The following HERC1 variants were observed in gnomAD, a reference collection of about 807,000 sequenced individuals.
HERC1 encodes HECT and RLD domain containing E3 ubiquitin protein ligase family member 1, also known as probable E3 ubiquitin-protein ligase HERC1.
Under a neutral mutation model 554.3 loss-of-function variants are expected in HERC1, and 160 were observed. The ratio of observed to expected loss-of-function variants is 0.29; its 90% CI spans 0.25 to 0.33. HERC1 has a LOEUF of 0.33. Ranked by LOEUF, HERC1 falls within the 10% of genes least tolerant of loss-of-function variation. HERC1 has a pLI of 1.00. For synonymous variants in HERC1, 2,175 were observed against 2,131.7 expected (o/e 1.02, Z -0.56); for missense variants, 4,919 against 5,918.5 (o/e 0.83, Z 5.54).
chr15:63,660,354 CA>C (rs1180912771), intron 46 of HERC1, among the ~76,000 whole-genome samples: 1 of 139,610 alleles, frequency 7.2e-6, no homozygotes, highest in African/African-American at 2.7e-5. Context: ...TAAATAAATA[CA>C]TACATACATA....
chr15:63,767,089 C>G (rs1321802168), intron 2 of HERC1, among the ~76,000 whole-genome samples: 2 of 151,914 alleles, frequency 1.3e-5, no homozygotes, highest in Non-Finnish European at 2.9e-5. Context: ...GCAACCTCCA[C>G]CTTCCGGGTT....
At position 63,688,896 on chromosome 15, in the gene HERC1, G is replaced by C. The variant is rs556671231; in HGVS notation, c.6048+693C>G. On this transcript the variant is annotated intron_variant, in intron 33 of 77. Transcript: ENST00000443617. ...GACAAAAAAAGGGGCTGGGGGAAGG[G>C]TTTGAGGGGGAGACACCCAGGCTAG... Among the ~76,000 whole-genome samples the C allele has an allele frequency of 1.3e-3, 191 of 152,276 alleles. 1 individual carries two copies. The highest frequency in any genetic ancestry group is 2.4e-3 in the Admixed American group (37 of 15,298).
chr15:63,806,664 C>T (rs977663126), intron 1 of HERC1, among the ~76,000 whole-genome samples: 2 of 152,198 alleles, frequency 1.3e-5, no homozygotes, highest in Non-Finnish European at 2.9e-5. Context: ...TCTAACAAGT[C>T]TACGGAGAAA....
chr15:63,678,139 C>G lies in HERC1; in HGVS notation c.6776G>C (p.Arg2259Pro). The change falls in exon 37 of 78, where the codon CGC (arginine) becomes CCC (proline). Residue 2259 changes from arginine to proline, a missense_variant. This residue lies in a region of HERC1 where 1,963 missense variants were observed against 2,228.6 expected (regional missense o/e 0.88). Transcript: ENST00000443617. ...KESGQKLKKS[R>P]SVQSREENEM... ...ATTTTCCTCTCGGCTCTGAACCGAGCGGCTTTTCTTTAGCTTCTGACCTGA... is the reference window on the plus strand; with the variant it reads ...ATTTTCCTCTCGGCTCTGAACCGAGGGGCTTTTCTTTAGCTTCTGACCTGA... The G allele has an allele frequency of 6.2e-7, 1 of 1,613,948 alleles. No homozygotes were observed. Among genetic ancestry groups the G allele is most frequent in the Non-Finnish European group, 8.5e-7 (1 of 1,179,864 alleles).
At chr15:63,760,142 A>T (rs2075559716) in intron 3 of HERC1, among the ~76,000 whole-genome samples, 1 of 152,160 alleles carries the variant, frequency 6.6e-6, no homozygotes, top group South Asian at 2.1e-4. Context: ...GGGACAACAG[A>T]AAGGAAAGAT....
chr15:63,700,758 A>G (rs2153075434), intron 25 of HERC1, among the ~76,000 whole-genome samples: 1 of 150,678 alleles, frequency 6.6e-6, no homozygotes, highest in South Asian at 2.1e-4. Flanking sequence ...GCTGAACATG[A>G]AAAATAACAA....
At chr15:63,750,830 G>A (rs1432345887) in intron 8 of HERC1, among the ~76,000 whole-genome samples, 1 of 152,186 alleles carries the variant, frequency 6.6e-6, no homozygotes, top group African/African-American at 2.4e-5. Flanking sequence ...CTACTCGGGA[G>A]CTGGGATGGG....
chr15:63,644,945 A>C, intron 57 of HERC1, 47 bp downstream of exon 57: 1 of 1,385,896 alleles, frequency 7.2e-7, no homozygotes, highest in African/African-American at 1.4e-5. Context: ...CTGATGTCAT[A>C]TACTTTCCAT....
At chr15:63,674,075 T>C (rs1011326818) in intron 38 of HERC1, among the ~76,000 whole-genome samples, 5 of 152,314 alleles carry the variant, frequency 3.3e-5, no homozygotes, top group African/African-American at 9.6e-5. Flanking sequence ...TTGGTATAAG[T>C]TAAATTTTGT....
chr15:63,818,739 C>T (rs984294764), intron 1 of HERC1, among the ~76,000 whole-genome samples: 4 of 152,152 alleles, frequency 2.6e-5, no homozygotes, highest in Admixed American at 6.5e-5. Context: ...ATGGGACATA[C>T]TAAACTTTTA....
At position 63,666,041 on chromosome 15, in the gene HERC1, G is replaced by A; in HGVS notation, c.8433C>T (p.Asp2811=). Residue 2811 remains aspartate, a synonymous_variant, in exon 42 of 78, where the codon GAC becomes GAT. Transcript: ENST00000443617. ...CTAGAACGGCTGCTCCAGGCCTAGA[G>A]TCTGCTGTGCTGCCCGACTGGGGCT... is the stretch of plus-strand genomic sequence containing the variant. ...EEEPQSGSTA[D]SRPGAAVLGS... 6.2e-7 allele frequency: 1 copy of A among 1,614,014 alleles called. No homozygotes were observed. Among genetic ancestry groups the A allele is most frequent in the Non-Finnish European group, 8.5e-7 (1 of 1,179,888 alleles).
rs375372024 is a variant in HERC1, at chr15:63,824,844, G to GAA, written c.-27+8981_-27+8982dup. 4.8e-3 allele frequency among the ~76,000 whole-genome samples: 613 copies of GAA among 126,490 alleles called. 4 individuals carry two copies. The highest frequency in any genetic ancestry group is 0.017 in the African/African-American group (567 of 34,148). The allele number at this position is 126,490 out of a possible 152,430, so 83.0% of individuals were successfully genotyped here. ...CTTAAGTGACACAAGTCAGACGTAG[G>GAA]AAAAAAAAAAAACACTAAATGATCT... On this transcript the variant is annotated intron_variant, in intron 1 of 77. Transcript: ENST00000443617.
In HERC1 at chr15:63,825,768, AT is replaced by A. The variant is rs1302989633; in HGVS notation, c.-27+8058del. Among the ~76,000 whole-genome samples the A allele has an allele frequency of 2.5e-3, 368 of 148,842 alleles. 2 individuals carry two copies. The highest frequency in any genetic ancestry group is 4.6e-3 in the African/African-American group (186 of 40,714). ...ACCACGAAAAAAAAGAAAAATAATA[AT>A]TTTTTTTTTTTTGAGATGGAGTCTC... On this transcript the variant is annotated intron_variant, in intron 1 of 77. Coordinates refer to ENST00000443617, the MANE Select transcript of HERC1 (RefSeq NM_003922.4).
chr15:63,674,757 G>C lies in HERC1; in HGVS notation c.7431C>G (p.Ser2477=), dbSNP rs1269637843. The stretch of plus-strand genomic sequence containing the variant: ...TTTTCCCTTCTGTTATTTGATGTTG[G>C]GATTCCACACTTGGCAGTGTTGGAT... ...SLDPTLPSVE[S]QHQITEGKRK... The change falls in exon 38 of 78, where the codon TCC becomes TCG. Residue 2477 remains serine (S), a synonymous_variant. Coordinates refer to ENST00000443617, the MANE Select transcript of HERC1 (RefSeq NM_003922.4). 6.2e-7 allele frequency: 1 copy of C among 1,613,720 alleles called. No homozygotes were observed. Among genetic ancestry groups the C allele is most frequent in the African/African-American group, 1.3e-5 (1 of 74,894 alleles).
intron 27 of HERC1, 135 bp from the exon 28 acceptor site, chr15:63,695,029 A>G: frequency 1.5e-6 from 1 of 673,814 alleles, no homozygotes; most frequent in Non-Finnish European, 2.2e-6. Context: ...TATTTCATAT[A>G]TAAAGTATAT....
In HERC1 at chr15:63,664,512, GTCT is replaced by G. The variant is rs774596110; in HGVS notation, c.8635_8637del (p.Arg2879del). 4 of 1,613,666 alleles carry G rather than the reference GTCT, an allele frequency of 2.5e-6. No individual in the cohort carries two copies. The highest frequency in any genetic ancestry group is 3.4e-6 in the Non-Finnish European group (4 of 1,179,672). On this transcript the variant is annotated inframe_deletion, in exon 43 of 78. Transcript: ENST00000443617. ...GTGCGAGCAGCTAAGTCAAACTTGT[GTCT>G]TCTTGTTACCGCTGAGCGACCTCTA...
chr15:63,783,438 C>T (rs2076345776), intron 1 of HERC1, among the ~76,000 whole-genome samples: 2 of 152,064 alleles, frequency 1.3e-5, no homozygotes. Context: ...AATTAAGGTA[C>T]ATACATTGCT....
rs569348896 is a variant in HERC1 at position 63,672,755 on chromosome 15, G to A, written c.7847-61C>T. On this transcript the variant is annotated intron_variant, in intron 38 of 77. Coordinates refer to ENST00000443617, the MANE Select transcript of HERC1 (RefSeq NM_003922.4). ...GATTTGTTTTTTCAAAAATAACAGC[G>A]GGAATAAAAAACTTCTACCTGTTTA... 310 of 1,172,260 alleles carry A rather than the reference G, an allele frequency of 2.6e-4. 1 individual carries two copies. Among genetic ancestry groups the A allele is most frequent in the Middle Eastern group, 2.2e-3 (11 of 4,964 alleles). 72.6% of individuals were successfully genotyped at this position (1,172,260 alleles called of 1,614,324 possible).
At chr15:63,647,400 T>G (rs1212291267) in intron 55 of HERC1, among the ~76,000 whole-genome samples, 1 of 151,772 alleles carries the variant, frequency 6.6e-6, no homozygotes, top group Non-Finnish European at 1.5e-5. Flanking sequence ...CACTGTTGGT[T>G]TGAATGTAAA....
Sources: gnomAD v4.1 joint callset for allele counts (sites outside exome capture counted in the v4.1 genomes callset) on GRCh38, gnomAD v4.1.1 for gene constraint, gnomAD v4.1.1 regional missense constraint, MANE v1.5 for transcripts, NCBI Gene and HGNC (gene_info 2026-07-23, HGNC 2026-07-21) for gene names.